DSG1: variants seen among roughly 807,000 people sequenced by gnomAD.
DSG1 encodes desmoglein 1.
Under a neutral mutation model 97.5 loss-of-function variants are expected in DSG1, and 39 were observed. The observed-to-expected ratio is 0.40, with a 90% CI of 0.31 to 0.52. The LOEUF (loss-of-function observed/expected upper bound fraction) is 0.52, where lower values mean the gene tolerates loss of function less well. DSG1 is among the 20% of genes least tolerant of loss of function. The pLI is 0.53. For synonymous variants in DSG1, 475 were observed against 443.4 expected (o/e 1.07, Z -0.90); for missense variants, 1,311 against 1,295.4 (o/e 1.01, Z -0.18).
intron 9 of DSG1, among the ~76,000 whole-genome samples, chr18:31,338,078 A>C (rs2071765947): frequency 6.6e-6 from 1 of 152,188 alleles, no homozygotes; most frequent in Non-Finnish European, 1.5e-5. Flanking sequence ...TGGGCATAAA[A>C]AGACATTCCA....
intron 3 of DSG1, 65 bp from the exon 4 acceptor site, chr18:31,328,124 G>A (rs994133731): frequency 2.6e-6 from 4 of 1,563,282 alleles, no homozygotes; most frequent in Non-Finnish European, 3.5e-6. Flanking sequence ...CAAGAAAGCT[G>A]TCGTATATCA....
intron 8 of DSG1, 113 bp from the exon 9 acceptor site, chr18:31,336,241 T>C (rs2071751068): frequency 5.6e-6 from 5 of 887,668 alleles, no homozygotes; most frequent in South Asian, 1.8e-5. Flanking sequence ...TGTGTGCATT[T>C]GTGTTTCATA....
chr18:31,330,889 T>C (rs543548124), intron 5 of DSG1, among the ~76,000 whole-genome samples: 62 of 152,192 alleles, frequency 4.1e-4, no homozygotes, highest in Non-Finnish European at 5.7e-4. Context: ...AATTATCTAG[T>C]GAAAACATTT....
Position 31,318,281 on chromosome 18 carries a change from T to G in DSG1, c.-20T>G. 1 of 1,610,524 alleles carries G rather than the reference T, an allele frequency of 6.2e-7. No homozygotes were observed. The highest frequency in any genetic ancestry group is 8.5e-7 in the Non-Finnish European group (1 of 1,176,732). On this transcript the variant is annotated 5_prime_UTR_variant, in exon 1 of 15. An upstream start codon of the reference 5' UTR is lost. Coordinates refer to ENST00000257192, the MANE Select transcript of DSG1 (RefSeq NM_001942.4). ...CAAACAAAACTCCCTTGGTCTTGGATGTAAGAGAATCCAGCAGAGATGGAC... is the reference window on the plus strand; with the variant it reads ...CAAACAAAACTCCCTTGGTCTTGGAGGTAAGAGAATCCAGCAGAGATGGAC...
At position 31,326,518 on chromosome 18, in the gene DSG1, A is replaced by G. The variant is rs368330349; in HGVS notation, c.49-63A>G. 26 of 1,242,422 alleles carry G rather than the reference A, an allele frequency of 2.1e-5. No individual in the cohort carries two copies. In the East Asian group the frequency reaches 2.4e-4, roughly 12 times the overall value. 77.0% of individuals were successfully genotyped at this position (1,242,422 alleles called of 1,614,324 possible). A position where few individuals can be genotyped will look rare whatever the true frequency, so the allele number is the denominator to read the frequency against. On this transcript the variant is annotated intron_variant, in intron 1 of 14. Transcript: ENST00000257192. ...TTCATGTTGTTTTTAAAGTAACTGG[A>G]TAATATAAATTTTAAAGCATTTAAT...
At chr18:31,320,205 T>A (rs924779204) in intron 1 of DSG1, among the ~76,000 whole-genome samples, 1 of 152,146 alleles carries the variant, frequency 6.6e-6, no homozygotes, top group South Asian at 2.1e-4. Flanking sequence ...ATACTTTTTT[T>A]CTTCATAAAA....
In DSG1 at chr18:31,355,316, A is replaced by C. The variant is rs893144219; in HGVS notation, c.3120A>C (p.Thr1040=). 2 of 1,614,158 alleles carry C rather than the reference A, an allele frequency of 1.2e-6. No individual in the cohort carries two copies. The highest frequency in any genetic ancestry group is 2.7e-5 in the African/African-American group (2 of 75,040). The change falls in exon 15 of 15, where the codon ACA becomes ACC. Residue 1040 remains threonine, a synonymous_variant. Transcript: ENST00000257192. ...ASPSTARSRI[T]KYSTVQYSK ...CTAGCACAGCTCGAAGTCGAATCACAAAGTATAGTACCGTGCAATATAGCA... is the reference window on the plus strand; with the variant it reads ...CTAGCACAGCTCGAAGTCGAATCACCAAGTATAGTACCGTGCAATATAGCA...
rs397515641 is a variant in DSG1 at position 31,329,949 on chromosome 18, A to T, written c.430A>T (p.Arg144Ter). Residue 144 changes from arginine to a stop codon, truncating the protein, a stop_gained, in exon 5 of 15, where the codon AGA becomes TGA. Transcript: ENST00000257192. LOFTEE classifies it high-confidence loss of function. ...GQDLERPLEL[R>*]VRVLDINDNP... ...AGATTTAGAGAGGCCTCTAGAGCTC[A>T]GAGTCAGGGTTTTGGATATAAATGA... 14 of 1,613,392 alleles carry T rather than the reference A, an allele frequency of 8.7e-6. No homozygotes were observed. The highest frequency in any genetic ancestry group is 1.2e-5 in the Non-Finnish European group (14 of 1,179,450).
intron 1 of DSG1, among the ~76,000 whole-genome samples, chr18:31,325,163 CG>C (rs2071678250): frequency 6.6e-6 from 1 of 152,090 alleles, no homozygotes; most frequent in Admixed American, 6.5e-5. Context: ...GCAGACTTGG[CG>C]GTTTTTAGAT....
chr18:31,331,896 G>C (rs774838392), intron 6 of DSG1, 29 bp downstream of exon 6: 2 of 1,602,242 alleles, frequency 1.2e-6, no homozygotes, highest in East Asian at 4.5e-5. Flanking sequence ...GTGGGTTTTT[G>C]GTCTCAAAGG....
rs7237419 is a variant in DSG1 at position 31,336,106 on chromosome 18, C to T, written c.1006-248C>T. On this transcript the variant is annotated intron_variant, in intron 8 of 14. Coordinates refer to ENST00000257192, the MANE Select transcript of DSG1 (RefSeq NM_001942.4). ...GTTTTTAATTTGTTTGGTGAACAAT[C>T]AGAGCTCACGTCATATGTTTTCAAC... Among the ~76,000 whole-genome samples, 62,915 of 151,866 alleles carry T rather than the reference C, an allele frequency of 0.41. 14,245 individuals are homozygous for T. The highest frequency in any genetic ancestry group is 0.5 in the Non-Finnish European group (33,666 of 67,842).
At position 31,354,761 on chromosome 18, in the gene DSG1, T is replaced by A. The variant is rs1297389260; in HGVS notation, c.2565T>A (p.Asp855Glu). The A allele has an allele frequency of 1.2e-6, 2 of 1,614,162 alleles. No homozygotes were observed. The highest frequency in any genetic ancestry group is 4.5e-5 in the East Asian group (2 of 44,876). Residue 855 changes from aspartate to glutamate, a missense_variant, in exon 15 of 15, where the codon GAT becomes GAA. By Grantham distance (45) the Asp-to-Glu change is conservative. This residue lies in a region of DSG1 where 1,038 missense variants were observed against 964.6 expected (regional missense o/e 1.08). Coordinates refer to ENST00000257192, the MANE Select transcript of DSG1 (RefSeq NM_001942.4). ...TGAAGCCCTCTGTGCACGTTCACGA[T>A]AACCGACCAGCATCAAACGTGGTAG... ...DTLKPSVHVHDNRPASNVVVT... is the reference protein window; with the variant it reads ...DTLKPSVHVHENRPASNVVVT...
Position 31,318,343 on chromosome 18 carries a change from T to C in DSG1, c.43T>C (p.Phe15Leu). The C allele has an allele frequency of 6.2e-6, 10 of 1,613,180 alleles. No homozygotes were observed. The highest frequency in any genetic ancestry group is 1.3e-5 in the African/African-American group (1 of 75,020). Residue 15 changes from phenylalanine to leucine, a missense_variant, in exon 1 of 15, where the codon TTT becomes CTT. Coordinates refer to ENST00000257192, the MANE Select transcript of DSG1 (RefSeq NM_001942.4). ...FFRVVAMLFI[F>L]LVVVEVNSEF... ...CAGAGTAGTTGCAATGCTGTTCATT[T>C]TTCTGGTGAGTGGATTCTGGTAAAA...
In DSG1 at chr18:31,354,506, C is replaced by A; in HGVS notation, c.2310C>A (p.Asp770Glu). Reference protein sequence around the residue: ...DISLGKESYPDLDPSWPPQST... With the variant: ...DISLGKESYPELDPSWPPQST... ...GCCTAGGAAAAGAATCATATCCAGA[C>A]CTTGATCCTTCTTGGCCACCACAAA... is the stretch of plus-strand genomic sequence containing the variant. Residue 770 changes from aspartate to glutamate, a missense_variant, in exon 15 of 15, where the codon GAC becomes GAA. By Grantham distance (45) the Asp-to-Glu change is conservative. This residue lies in a region of DSG1 where 1,038 missense variants were observed against 964.6 expected (regional missense o/e 1.08). Coordinates refer to ENST00000257192, the MANE Select transcript of DSG1 (RefSeq NM_001942.4). 3 of 1,614,194 alleles carry A rather than the reference C, an allele frequency of 1.9e-6. No individual in the cohort carries two copies. The highest frequency in any genetic ancestry group is 2.5e-6 in the Non-Finnish European group (3 of 1,180,026).
intron 13 of DSG1, 105 bp downstream of exon 13, chr18:31,344,100 T>C (rs2144108000): frequency 1.2e-6 from 1 of 852,892 alleles, no homozygotes; most frequent in East Asian, 2.7e-5. Flanking sequence ...TCAAAAGTGT[T>C]TATATCATTC....
rs558641157 is a variant in DSG1 at position 31,358,761 on chromosome 18, C to CT, written c.*3425dup. Among the ~76,000 whole-genome samples the CT allele has an allele frequency of 2.9e-4, 43 of 149,326 alleles. No individual in the cohort carries two copies. The highest frequency in any genetic ancestry group is 1.3e-3 in the South Asian group (6 of 4,730). On this transcript the variant is annotated 3_prime_UTR_variant, in exon 15 of 15. Transcript: ENST00000257192. ...CCCATGCCTATTTCATAAATTCCAA[C>CT]TTTTTTTTTTACAATTTCTGGATTT...
At chr18:31,343,845 A>T in intron 12 of DSG1, 81 bp from the exon 13 acceptor site, 1 of 1,273,644 alleles carries the variant, frequency 7.9e-7, no homozygotes, top group Non-Finnish European at 1.1e-6. Flanking sequence ...GAGGTAATTT[A>T]AGAATAAACC....
rs570598771 is a variant in DSG1, at chr18:31,346,089, G to A, written c.1991G>A (p.Gly664Glu). Residue 664 changes from glycine (G) to glutamate (E), a missense_variant, in exon 14 of 15, where the codon GGA (glycine) becomes GAA (glutamate). By Grantham distance (98) the Gly-to-Glu change is moderately conservative (BLOSUM62 -2). Transcript: ENST00000257192. ...FELTEGVKTS[G>E]MPEICQEYSG... ...CTAACAGAGGGAGTTAAAACTTCAG[G>A]AATGCCTGAGATATGTCAAGAATAC... 6.2e-7 allele frequency: 1 copy of A among 1,613,798 alleles called. No individual in the cohort carries two copies. Among genetic ancestry groups the A allele is most frequent in the South Asian group, 1.1e-5 (1 of 91,080 alleles).
At chr18:31,342,745 G>C (rs952487087) in intron 11 of DSG1, among the ~76,000 whole-genome samples, 2 of 152,154 alleles carry the variant, frequency 1.3e-5, no homozygotes, top group South Asian at 4.1e-4. Flanking sequence ...GCAAGCATAT[G>C]TTAAAGGAAG....
Sources: allele counts gnomAD v4.1 joint callset (sites outside exome capture counted in the v4.1 genomes callset), GRCh38; gene constraint gnomAD v4.1.1; regional missense constraint gnomAD v4.1.1; transcripts MANE v1.5; gene names NCBI Gene and HGNC (gene_info 2026-07-23, HGNC 2026-07-21).